TNS1: variants seen among roughly 807,000 people sequenced by gnomAD.
TNS1 encodes the protein tensin-1.
Under a neutral mutation model 168.6 loss-of-function variants are expected in TNS1, and 62 were observed. The ratio of observed to expected loss-of-function variants is 0.37; its 90% CI spans 0.30 to 0.45. The LOEUF (loss-of-function observed/expected upper bound fraction) is 0.45, where lower values mean the gene tolerates loss of function less well. Among genes scored for constraint, TNS1 ranks in the 20% least tolerant of loss-of-function variants. The pLI is 1.00. For synonymous variants in TNS1, 934 were observed against 933.2 expected (o/e 1.00, Z -0.02); for missense variants, 2,240 against 2,339.4 (o/e 0.96, Z 0.88).
At chr2:218,014,703 T>C (rs1958740259), upstream of TNS1, among the ~76,000 whole-genome samples, 1 of 152,156 alleles carries the variant, frequency 6.6e-6, no homozygotes, top group South Asian at 2.1e-4. Flanking sequence ...TGTTGATACA[T>C]TTGCTGGCTT....
chr2:218,024,151 C>T (rs1958832970), intron 1 of TNS1, among the ~76,000 whole-genome samples: 1 of 152,146 alleles, frequency 6.6e-6, no homozygotes. Context: ...CCAGGGCACC[C>T]CACTAAGAGG....
At chr2:217,895,366 T>C (rs1559318523) in intron 8 of TNS1, among the ~76,000 whole-genome samples, 2 of 152,240 alleles carry the variant, frequency 1.3e-5, no homozygotes, top group East Asian at 1.9e-4. Context: ...GGAACTCAAC[T>C]GTAGGTCCTC....
intron 1 of TNS1, among the ~76,000 whole-genome samples, chr2:218,019,886 T>A (rs939087236): frequency 6.6e-6 from 1 of 151,958 alleles, no homozygotes; most frequent in East Asian, 1.9e-4. Flanking sequence ...AGATCACACC[T>A]AAGACCAGGA....
intron 3 of TNS1, among the ~76,000 whole-genome samples, chr2:217,976,796 C>T (rs1032289301): frequency 6.6e-6 from 1 of 152,354 alleles, no homozygotes. Flanking sequence ...GAAGTTTATC[C>T]CCTTATCCTT....
At chr2:217,897,154 C>A (rs1223009303) in intron 8 of TNS1, among the ~76,000 whole-genome samples, 1 of 152,190 alleles carries the variant, frequency 6.6e-6, no homozygotes, top group South Asian at 2.1e-4. Flanking sequence ...TCCACAGGCA[C>A]CTCCCTCTAA....
At chr2:217,903,744 C>A in intron 6 of TNS1, 1 of 779,166 alleles carries the variant, frequency 1.3e-6, no homozygotes. Flanking sequence ...GCAGATTCAG[C>A]CAACTCTTTT....
At chr2:217,946,967 T>TCACACACACACA (rs1377730479) in intron 3 of TNS1, among the ~76,000 whole-genome samples, 1 of 125,284 alleles carries the variant, frequency 8.0e-6, no homozygotes, top group Admixed American at 7.7e-5. Context: ...TCTCTCTCTC[T>TCACACACACACA]CTCACACACA....
intron 2 of TNS1, among the ~76,000 whole-genome samples, chr2:217,987,791 C>G (rs553562194): frequency 8.5e-5 from 13 of 152,314 alleles, no homozygotes; most frequent in African/African-American, 3.1e-4. Context: ...GCTCAGTGAA[C>G]AGACATGAGC....
rs192073693 is a variant in TNS1 at position 217,849,676 on chromosome 2, C to A, written c.1430-589G>T. On this transcript the variant is annotated intron_variant, in intron 18 of 32. Transcript: ENST00000682258. ...CGCCACCCCATCTCAAAAAGTCTCA[C>A]CCCTGCTTCGATGTCTGGAGTTCCC... The A allele has an allele frequency of 1.4e-5, 14 of 985,456 alleles. No individual in the cohort carries two copies. In the East Asian group the frequency reaches 1.5e-3, roughly 104 times the overall value. 61.0% of individuals were successfully genotyped at this position (985,456 alleles called of 1,614,324 possible).
rs560388694 is a variant in TNS1, at chr2:218,027,987, T to A, written c.156+5833A>T. Among the ~76,000 whole-genome samples the A allele has an allele frequency of 3.9e-5, 6 of 152,308 alleles. No individual in the cohort carries two copies. The East Asian group carries it at 1.2e-3, about 29-fold the overall frequency. ...AGGAAGAGGTGGGTAAAGTAGGATTTGGTGGCAACGCTCAGAAGTTCCTGG... is the reference window on the plus strand; with the variant it reads ...AGGAAGAGGTGGGTAAAGTAGGATTAGGTGGCAACGCTCAGAAGTTCCTGG... On this transcript the variant is annotated intron_variant, in intron 1 of 1. Coordinates refer to the TNS1 transcript ENST00000649572.
Position 217,818,139 on chromosome 2 carries a change from C to T in TNS1, c.4193G>A (p.Ser1398Asn). The change falls in exon 24 of 33, where the codon AGC becomes AAC. Residue 1398 changes from serine (S) to asparagine (N), a missense_variant. Coordinates refer to ENST00000682258, the MANE Select transcript of TNS1 (RefSeq NM_001387777.1). ...ACGGCCCAGGCTGGGGCTTCCAGGG[C>T]TGGCTATTGCATTGCTATGAAGACC... is the stretch of plus-strand genomic sequence containing the variant. Reference protein sequence around the residue: ...ASGLHSNAIASPGSPSLGRHL... With the variant: ...ASGLHSNAIANPGSPSLGRHL... 6.2e-7 allele frequency: 1 copy of T among 1,613,672 alleles called. No individual in the cohort carries two copies. Among genetic ancestry groups the T allele is most frequent in the Non-Finnish European group, 8.5e-7 (1 of 1,179,890 alleles).
intron 22 of TNS1, chr2:217,830,284 T>A: frequency 6.3e-7 from 1 of 1,575,328 alleles, no homozygotes. Context: ...TCAGTGTCCC[T>A]GGCCATGCCG....
chr2:217,978,235 A>C (rs894651692), intron 3 of TNS1, among the ~76,000 whole-genome samples: 3 of 152,166 alleles, frequency 2.0e-5, no homozygotes, highest in Admixed American at 6.5e-5. Flanking sequence ...ATAAAGAGGA[A>C]GGGACAGTCT....
At chr2:217,861,064 A>G (rs1271196182) in intron 18 of TNS1, among the ~76,000 whole-genome samples, 1 of 152,236 alleles carries the variant, frequency 6.6e-6, no homozygotes, top group Non-Finnish European at 1.5e-5. Context: ...TAAGAGAGTC[A>G]GGTTTGGCAA....
intron 3 of TNS1, among the ~76,000 whole-genome samples, chr2:217,949,716 G>C (rs1957196028): frequency 6.6e-6 from 1 of 151,406 alleles, no homozygotes. Flanking sequence ...TTAGAAGGGA[G>C]GCTTACCAAG....
Position 217,802,086 on chromosome 2 carries a change from G to A in TNS1, c.*2373C>T, listed in dbSNP as rs1010069171. On this transcript the variant is annotated 3_prime_UTR_variant, in exon 33 of 33. Coordinates refer to ENST00000682258, the MANE Select transcript of TNS1 (RefSeq NM_001387777.1). ...CCTCAAGTGTGGACAGAACATCCAT[G>A]CCAGGAATAGGCTCCTGGGCTCTCC... The A allele has an allele frequency of 4.6e-5, 7 of 152,244 alleles. No individual in the cohort carries two copies. The highest frequency in any genetic ancestry group is 2.6e-4 in the Admixed American group (4 of 15,292). The allele number at this position is 152,244 out of a possible 1,614,324, so 9.4% of individuals were successfully genotyped here. A position where few individuals can be genotyped will look rare whatever the true frequency, so the allele number is the denominator to read the frequency against.
chr2:217,828,693 C>CACCATCTAAA (rs1366990167), intron 22 of TNS1, among the ~76,000 whole-genome samples: 2 of 152,204 alleles, frequency 1.3e-5, no homozygotes, highest in African/African-American at 4.8e-5. Context: ...CAGTGCAGGG[C>CACCATCTAAA]TCATCTAAAT....
intron 4 of TNS1, among the ~76,000 whole-genome samples, chr2:217,919,969 C>T (rs367671365): frequency 7.7e-4 from 117 of 152,278 alleles, no homozygotes; most frequent in African/African-American, 2.4e-3. Context: ...TTTCTAAGGA[C>T]GCAAGTCTCA....
At chr2:218,011,660 G>A (rs906567826), upstream of TNS1, among the ~76,000 whole-genome samples, 1 of 152,124 alleles carries the variant, frequency 6.6e-6, no homozygotes, top group Non-Finnish European at 1.5e-5. Flanking sequence ...TTCTCAGCTA[G>A]CTCACCCCTG....
Sources: gnomAD v4.1 joint callset for allele counts (sites outside exome capture counted in the v4.1 genomes callset) on GRCh38, gnomAD v4.1.1 for gene constraint, MANE v1.5 for transcripts, NCBI Gene and HGNC (gene_info 2026-07-23, HGNC 2026-07-21) for gene names.